The following ZNF569 variants were observed in gnomAD, a reference collection of about 807,000 sequenced individuals.
ZNF569 encodes the protein DNA-binding protein.
Under a neutral mutation model 56.3 loss-of-function variants are expected in ZNF569, and 38 were observed. The ratio of observed to expected loss-of-function variants is 0.68; its 90% CI spans 0.52 to 0.88. ZNF569 has a LOEUF of 0.88. Ranked by LOEUF, ZNF569 falls within the 40% of genes least tolerant of loss-of-function variation. The pLI is 0.00. For synonymous variants in ZNF569, 241 were observed against 262.9 expected (o/e 0.92, Z 0.81); for missense variants, 666 against 809.2 (o/e 0.82, Z 2.15).
chr19:37,412,697 C>T lies in ZNF569; in HGVS notation c.1961G>A (p.Arg654Lys). Residue 654 changes from arginine to lysine, a missense_variant, in exon 6 of 6, where the codon AGA becomes AAA. Transcript: ENST00000316950. ...SQISSLTLHMRKHTGEKPYHC... is the reference protein window; with the variant it reads ...SQISSLTLHMKKHTGEKPYHC... ...ATAGGGCTTCTCACCTGTATGTTTT[C>T]TCATATGAAGGGTAAGAGATGAGAT... is the stretch of plus-strand genomic sequence containing the variant. 3 of 1,614,112 alleles carry T rather than the reference C, an allele frequency of 1.9e-6. No homozygotes were observed. In the South Asian group the frequency reaches 3.3e-5, roughly 18 times the overall value.
At chr19:37,432,892 G>T (rs962351487) in intron 3 of ZNF569, among the ~76,000 whole-genome samples, 29 of 145,524 alleles carry the variant, frequency 2.0e-4, no homozygotes, top group African/African-American at 6.0e-4. Flanking sequence ...ACAAACTAAA[G>T]AATGCATCAG....
intron 1 of ZNF569, among the ~76,000 whole-genome samples, chr19:37,466,093 C>A (rs2041828836): frequency 6.6e-6 from 1 of 151,970 alleles, no homozygotes; most frequent in Admixed American, 6.6e-5. Context: ...TACACAAAGG[C>A]GGGGGTGAAA....
chr19:37,414,229 T>A lies in ZNF569; in HGVS notation c.429A>T (p.Gly143=). 1 of 1,613,140 alleles carries A rather than the reference T, an allele frequency of 6.2e-7. No individual in the cohort carries two copies. The change falls in exon 6 of 6, where the codon GGA becomes GGT. Residue 143 remains glycine (G), a synonymous_variant. Transcript: ENST00000316950. ...AGTCAAAATTATGTTCTAAACACTT[T>A]CCAAATAAGTCATACTCATAGAGAT... is the stretch of plus-strand genomic sequence containing the variant. The part of the protein sequence containing the change: ...RHNLYEYDLF[G]KCLEHNFDCH...
At chr19:37,458,846 A>G (rs980286317) in intron 2 of ZNF569, among the ~76,000 whole-genome samples, 2 of 152,230 alleles carry the variant, frequency 1.3e-5, no homozygotes, top group Non-Finnish European at 2.9e-5. Flanking sequence ...AAGAATCAAA[A>G]GAAATGCTAG....
chr19:37,413,534 A>C lies in ZNF569; in HGVS notation c.1124T>G (p.Ile375Ser). Residue 375 changes from isoleucine to serine, a missense_variant, in exon 6 of 6, where the codon ATT becomes AGT. Coordinates refer to ENST00000316950, the MANE Select transcript of ZNF569 (RefSeq NM_152484.3). ...QFSMLIIHVR[I>S]HTGEKPYECN... is the part of the protein sequence containing the mutation. ...TTCATAGGGTTTTTCACCTGTATGA[A>C]TTCTAACATGTATAATAAGCATGGA... The C allele has an allele frequency of 6.2e-7, 1 of 1,613,016 alleles. No individual in the cohort carries two copies. The highest frequency in any genetic ancestry group is 8.5e-7 in the Non-Finnish European group (1 of 1,179,620).
intron 5 of ZNF569, among the ~76,000 whole-genome samples, chr19:37,421,622 T>C (rs1475680073): frequency 6.6e-6 from 1 of 152,138 alleles, no homozygotes. Context: ...ATGCTTTGGC[T>C]TAAGGGAATG....
intron 3 of ZNF569, among the ~76,000 whole-genome samples, chr19:37,440,743 G>A (rs1949686592): frequency 6.6e-6 from 1 of 152,144 alleles, no homozygotes; most frequent in Non-Finnish European, 1.5e-5. Context: ...GCACTAAGCA[G>A]AATGCAGAGC....
At chr19:37,438,524 G>C (rs1396253253) in intron 3 of ZNF569, among the ~76,000 whole-genome samples, 2 of 152,142 alleles carry the variant, frequency 1.3e-5, no homozygotes, top group Non-Finnish European at 2.9e-5. Flanking sequence ...GGAAAGAACA[G>C]TGTCTTCAAT....
At chr19:37,429,306 C>A (rs560024325) in intron 3 of ZNF569, among the ~76,000 whole-genome samples, 1 of 152,086 alleles carries the variant, frequency 6.6e-6, no homozygotes, top group African/African-American at 2.4e-5. Context: ...TTACCAGAGT[C>A]GAGAGCAAAC....
chr19:37,443,030 A>C (rs2041432297), intron 3 of ZNF569, among the ~76,000 whole-genome samples: 2 of 152,166 alleles, frequency 1.3e-5, no homozygotes, highest in African/African-American at 4.8e-5. Flanking sequence ...CTGAGGAAGA[A>C]ACTGGAGATA....
At chr19:37,464,939 G>C (rs1259990428) in intron 2 of ZNF569, among the ~76,000 whole-genome samples, 2 of 152,074 alleles carry the variant, frequency 1.3e-5, no homozygotes, top group Non-Finnish European at 2.9e-5. Flanking sequence ...TCACTCAGAG[G>C]AAAAGCCAAA....
Position 37,426,382 on chromosome 19 carries a change from T to G in ZNF569, c.16-4A>C. 6.3e-7 allele frequency: 1 copy of G among 1,599,818 alleles called. No homozygotes were observed. Among genetic ancestry groups the G allele is most frequent in the Non-Finnish European group, 8.5e-7 (1 of 1,174,540 alleles). Reference sequence around the variant, plus strand: ...CATCTTTGAATGTTACTGTTCCCTGTAACAACACACTCCCACTCAATCTGA... The same window carrying G: ...CATCTTTGAATGTTACTGTTCCCTGGAACAACACACTCCCACTCAATCTGA... On this transcript the variant is annotated splice_region_variant and splice_polypyrimidine_tract_variant and intron_variant, in intron 3 of 5. Coordinates refer to ENST00000316950, the MANE Select transcript of ZNF569 (RefSeq NM_152484.3).
chr19:37,420,247 C>G (rs1368462676), intron 5 of ZNF569, among the ~76,000 whole-genome samples: 3 of 151,966 alleles, frequency 2.0e-5, no homozygotes, highest in African/African-American at 4.8e-5. Flanking sequence ...CTCGGCCTCC[C>G]AAAGTGCTCG....
intron 2 of ZNF569, among the ~76,000 whole-genome samples, chr19:37,452,698 T>C (rs1289036180): frequency 6.6e-6 from 1 of 152,238 alleles, no homozygotes; most frequent in East Asian, 1.9e-4. Flanking sequence ...GTCCTATAGA[T>C]GTTCCCTTGT....
At chr19:37,449,132 A>G (rs200266367) in intron 2 of ZNF569, among the ~76,000 whole-genome samples, 1 of 152,102 alleles carries the variant, frequency 6.6e-6, no homozygotes, top group East Asian at 1.9e-4. Context: ...TTTTCCAGAT[A>G]CCTTTCTGTT....
chr19:37,416,258 C>CA (rs1255894148), intron 5 of ZNF569, among the ~76,000 whole-genome samples: 1 of 129,074 alleles, frequency 7.7e-6, no homozygotes, highest in South Asian at 2.4e-4. Flanking sequence ...AACAAAAAAA[C>CA]AAAAAAACAA....
intron 3 of ZNF569, chr19:37,427,878 C>T (rs910265236): frequency 2.0e-6 from 1 of 494,268 alleles, no homozygotes; most frequent in Non-Finnish European, 4.1e-6. Context: ...GGAAATCTGG[C>T]CCTGGTATAA....
At position 37,424,995 on chromosome 19, in the gene ZNF569, C is replaced by A. The variant is rs145180670; in HGVS notation, c.238+873G>T. Among the ~76,000 whole-genome samples, 38 of 151,236 alleles carry A rather than the reference C, an allele frequency of 2.5e-4. 1 individual carries two copies. The East Asian group carries it at 7.3e-3, about 29-fold the overall frequency. ...ATTAGCAGGGTGTGGTGGCACGTGC[C>A]TGTAGTCCCAGCTATCAGGAGGCTG... On this transcript the variant is annotated intron_variant, in intron 5 of 5. Transcript: ENST00000316950.
intron 3 of ZNF569, 108 bp downstream of exon 3, chr19:37,444,799 T>C: frequency 1.3e-6 from 1 of 792,742 alleles, no homozygotes; most frequent in Non-Finnish European, 2.0e-6. Flanking sequence ...CCCCTGAAAA[T>C]ATGTTTTATG....
Sources: gnomAD v4.1 joint callset for allele counts (sites outside exome capture counted in the v4.1 genomes callset) on GRCh38, gnomAD v4.1.1 for gene constraint, MANE v1.5 for transcripts, NCBI Gene and HGNC (gene_info 2026-07-23, HGNC 2026-07-21) for gene names.